SRGAP3: variants seen among roughly 807,000 people sequenced by gnomAD.
SRGAP3 encodes SLIT-ROBO Rho GTPase-activating protein 3.
A neutral mutation model predicts 121.1 loss-of-function variants in SRGAP3; 39 were observed. The ratio of observed to expected loss-of-function variants is 0.32; its 90% CI spans 0.25 to 0.42. The LOEUF (loss-of-function observed/expected upper bound fraction) is 0.42, where lower values mean the gene tolerates loss of function less well. SRGAP3 is among the 10% of genes least tolerant of loss of function. The pLI is 1.00. For synonymous variants in SRGAP3, 601 were observed against 570.0 expected, an observed-to-expected ratio of 1.05 and a Z score of -0.77; for missense variants, 1,213 against 1,470.6, an observed-to-expected ratio of 0.82 and a Z score of 2.86.
At chr3:9,128,370 C>T (rs903001795) in intron 1 of SRGAP3, among the ~76,000 whole-genome samples, 6 of 152,286 alleles carry the variant, frequency 3.9e-5, no homozygotes, top group African/African-American at 1.4e-4. Context: ...TCCATTTCAG[C>T]TTACATAAGT....
At chr3:9,297,260 T>A (rs552105750) in intron 3 of SRGAP3, among the ~76,000 whole-genome samples, 7 of 152,156 alleles carry the variant, frequency 4.6e-5, no homozygotes, top group Non-Finnish European at 7.3e-5. Context: ...TACAAAGCTA[T>A]GCAGGCCCAG....
intron 1 of SRGAP3, among the ~76,000 whole-genome samples, chr3:9,201,453 T>G (rs1952065412): frequency 6.6e-6 from 1 of 152,212 alleles, no homozygotes; most frequent in African/African-American, 2.4e-5. Context: ...TAAGCAGAAC[T>G]GCAGCAGAGC....
At chr3:9,067,910 GA>G (rs2125222972) in intron 4 of SRGAP3, among the ~76,000 whole-genome samples, 1 of 152,238 alleles carries the variant, frequency 6.6e-6, no homozygotes, top group East Asian at 1.9e-4. Flanking sequence ...GAGTTTTAGG[GA>G]GATTACAAAT....
chr3:9,277,230 A>G (rs138612973), intron 3 of SRGAP3, among the ~76,000 whole-genome samples: 2 of 152,286 alleles, frequency 1.3e-5, no homozygotes, highest in African/African-American at 4.8e-5. Context: ...TCTCTGACTC[A>G]TAGGTTTTAC....
chr3:9,210,034 A>C (rs1952394362), intron 1 of SRGAP3, among the ~76,000 whole-genome samples: 1 of 149,060 alleles, frequency 6.7e-6, no homozygotes, highest in Non-Finnish European at 1.5e-5. Flanking sequence ...TTATTAAAAG[A>C]AGCTAGACAC....
intron 18 of SRGAP3, among the ~76,000 whole-genome samples, chr3:9,004,909 T>C (rs1277409209): frequency 6.6e-6 from 1 of 152,014 alleles, no homozygotes; most frequent in Non-Finnish European, 1.5e-5. Flanking sequence ...AAAGAAAAAA[T>C]AGATGAATGG....
intron 1 of SRGAP3, among the ~76,000 whole-genome samples, chr3:9,338,750 T>C (rs989031664): frequency 6.6e-6 from 1 of 152,170 alleles, no homozygotes; most frequent in African/African-American, 2.4e-5. Context: ...TGGAAGGAGT[T>C]CCTTAGATAT....
chr3:9,220,527 C>T lies in SRGAP3; in HGVS notation c.67+28358G>A, dbSNP rs372547049. Among the ~76,000 whole-genome samples the T allele has an allele frequency of 5.9e-5, 9 of 152,268 alleles. No homozygotes were observed. In the South Asian group the frequency reaches 1.5e-3, roughly 25 times the overall value. ...TCATGCAATGGCCCAACAGCTGCTG[C>T]TCCAAAAGTTTCAGGCACAGGGCTC... is the stretch of plus-strand genomic sequence containing the variant. On this transcript the variant is annotated intron_variant, in intron 1 of 21. Transcript: ENST00000383836.
chr3:9,099,569 A>G (rs1239798990), intron 3 of SRGAP3, among the ~76,000 whole-genome samples: 2 of 152,224 alleles, frequency 1.3e-5, no homozygotes, highest in African/African-American at 4.8e-5. Flanking sequence ...GCTGGAGGTG[A>G]AAACCTGAGT....
intron 3 of SRGAP3, among the ~76,000 whole-genome samples, chr3:9,288,671 C>A (rs1215537672): frequency 6.6e-6 from 1 of 150,712 alleles, no homozygotes; most frequent in Non-Finnish European, 1.5e-5. Flanking sequence ...AACTCCTGGG[C>A]TCAAGTAATC....
chr3:8,982,046 C>T lies in SRGAP3; in HGVS notation c.*3473G>A, dbSNP rs776477176. On this transcript the variant is annotated 3_prime_UTR_variant, in exon 22 of 22. Coordinates refer to ENST00000383836, the MANE Select transcript of SRGAP3 (RefSeq NM_014850.4). ...AAGAGGAAAAGGGAATAAAAGGGGA[C>T]GGGGAGAGTGGGGTAGGAAGCACAG... 1.2e-4 allele frequency: 27 copies of T among 225,704 alleles called. No individual in the cohort carries two copies. The highest frequency in any genetic ancestry group is 4.2e-4 in the African/African-American group (19 of 45,024). The allele number at this position is 225,704 out of a possible 1,614,324, so 14.0% of individuals were successfully genotyped here.
chr3:9,232,388 C>G (rs111229646), intron 1 of SRGAP3, among the ~76,000 whole-genome samples: 26 of 152,274 alleles, frequency 1.7e-4, no homozygotes, highest in African/African-American at 6.3e-4. Flanking sequence ...TTTCCCCTGT[C>G]CCCTGACACT....
chr3:9,210,541 T>C (rs1187547856), intron 1 of SRGAP3, among the ~76,000 whole-genome samples: 5 of 152,034 alleles, frequency 3.3e-5, no homozygotes, highest in Non-Finnish European at 7.4e-5. Flanking sequence ...TCTCACATGA[T>C]GGGCTGGGCA....
At chr3:9,071,625 G>T (rs968087795) in intron 4 of SRGAP3, among the ~76,000 whole-genome samples, 1 of 151,122 alleles carries the variant, frequency 6.6e-6, no homozygotes, top group Admixed American at 6.6e-5. Context: ...GTGGGAGAGA[G>T]ACTGATTCTC....
chr3:8,990,741 G>A lies in SRGAP3; in HGVS notation c.2657C>T (p.Pro886Leu), dbSNP rs1454683490. ...PRGLGPSIDTPPRAAACPSSP... is the reference protein window; with the variant it reads ...PRGLGPSIDTLPRAAACPSSP... ...GCTGGGGCAGGCAGCAGCCCGGGGTGGTGTGTCTATGCTGGGGCCCAGGCC... is the reference window on the plus strand; with the variant it reads ...GCTGGGGCAGGCAGCAGCCCGGGGTAGTGTGTCTATGCTGGGGCCCAGGCC... The change falls in exon 21 of 22, where the codon CCA becomes CTA. Residue 886 changes from proline to leucine, a missense_variant. Physicochemically the swap from Pro to Leu is moderately conservative, Grantham distance 98. This residue lies in a region of SRGAP3 where 420 missense variants were observed against 437.7 expected (regional missense o/e 0.96). Transcript: ENST00000383836. 5 of 1,611,084 alleles carry A rather than the reference G, an allele frequency of 3.1e-6. No homozygotes were observed. Among genetic ancestry groups the A allele is most frequent in the African/African-American group, 2.7e-5 (2 of 74,922 alleles).
intron 17 of SRGAP3, among the ~76,000 whole-genome samples, 179 bp from the exon 18 acceptor site, chr3:9,010,566 C>T (rs1943312828): frequency 6.6e-6 from 1 of 152,160 alleles, no homozygotes; most frequent in South Asian, 2.1e-4. Flanking sequence ...GAAAACTACT[C>T]CCAGCCTCCT....
chr3:9,268,321 T>TC (rs1206530803), intron 3 of SRGAP3, among the ~76,000 whole-genome samples: 1 of 151,540 alleles, frequency 6.6e-6, no homozygotes. Context: ...TCTCTCTCTC[T>TC]CTTTCTCTCT....
intron 9 of SRGAP3, among the ~76,000 whole-genome samples, chr3:9,052,614 A>G (rs573608145): frequency 1.3e-5 from 2 of 152,348 alleles, no homozygotes; most frequent in East Asian, 3.9e-4. Flanking sequence ...CTCAAGAGCA[A>G]TTTGCTTGGA....
intron 1 of SRGAP3, among the ~76,000 whole-genome samples, chr3:9,215,374 T>C (rs909990647): frequency 7.0e-6 from 1 of 142,448 alleles, no homozygotes; most frequent in African/African-American, 2.7e-5. Context: ...GGTGGGAGAT[T>C]TTCTCAAGCC....
Sources: allele counts gnomAD v4.1 joint callset (sites outside exome capture counted in the v4.1 genomes callset), GRCh38; gene constraint gnomAD v4.1.1; regional missense constraint gnomAD v4.1.1; transcripts MANE v1.5; gene names NCBI Gene and HGNC (gene_info 2026-07-23, HGNC 2026-07-21).